The following PLEKHH2 variants were observed in gnomAD, a reference collection of about 807,000 sequenced individuals.
PLEKHH2 encodes the protein pleckstrin homology domain-containing family H member 2.
In PLEKHH2, 129 loss-of-function variants were observed where a neutral mutation model predicts 187.9. The ratio of observed to expected loss-of-function variants is 0.69; its 90% CI spans 0.59 to 0.79. The LOEUF (loss-of-function observed/expected upper bound fraction) is 0.79, where lower values mean the gene tolerates loss of function less well. Among genes scored for constraint, PLEKHH2 ranks in the 30% least tolerant of loss-of-function variants. The pLI is 0.00. For missense variants in PLEKHH2, 2,076 were observed against 1,751.2 expected, an observed-to-expected ratio of 1.19 and a Z score of -3.31; for synonymous variants, 686 against 605.6, an observed-to-expected ratio of 1.13 and a Z score of -1.95.
chr2:43,685,034 G>A (rs1395565619), intron 3 of PLEKHH2, among the ~76,000 whole-genome samples: 1 of 152,180 alleles, frequency 6.6e-6, no homozygotes, highest in East Asian at 1.9e-4. Context: ...CACTGATGAA[G>A]TCACCTTTTT....
chr2:43,742,781 G>A lies in PLEKHH2; in HGVS notation c.3262G>A (p.Val1088Ile). 1.2e-6 allele frequency: 2 copies of A among 1,602,698 alleles called. No individual in the cohort carries two copies. The highest frequency in any genetic ancestry group is 1.7e-6 in the Non-Finnish European group (2 of 1,176,140). The change falls in exon 22 of 30, where the codon GTA (valine) becomes ATA (isoleucine). Residue 1088 changes from valine (V) to isoleucine (I), a missense_variant. Transcript: ENST00000282406. ...GKYAIYCQRC[V>I]ERTQQNGDRE... is the part of the protein sequence containing the mutation. ...ATATGCCATTTACTGCCAGCGTTGTGTAGAAAGAACGCAACAAAATGGTGA... is the reference window on the plus strand; with the variant it reads ...ATATGCCATTTACTGCCAGCGTTGTATAGAAAGAACGCAACAAAATGGTGA...
At chr2:43,753,535 C>G (rs1415296276) in intron 24 of PLEKHH2, 84 bp from the exon 25 acceptor site, 2 of 1,132,686 alleles carry the variant, frequency 1.8e-6, no homozygotes, top group Non-Finnish European at 2.4e-6. Context: ...TAAAACAACC[C>G]CATCTCAGTC....
At chr2:43,679,863 G>C (rs13393952) in intron 3 of PLEKHH2, among the ~76,000 whole-genome samples, 1 of 151,800 alleles carries the variant, frequency 6.6e-6, no homozygotes, top group African/African-American at 2.4e-5. Flanking sequence ...GTAATGACAG[G>C]GTCTCACTAT....
intron 28 of PLEKHH2, among the ~76,000 whole-genome samples, chr2:43,763,061 C>T (rs17031419): frequency 0.013 from 2,046 of 152,222 alleles, 49 homozygotes; most frequent in African/African-American, 0.046. Flanking sequence ...GTGTTATAGT[C>T]ACTGTTTCCC....
chr2:43,675,578 C>T lies in PLEKHH2; in HGVS notation c.124-3285C>T, dbSNP rs369389345. Reference sequence around the variant, plus strand: ...GACAATGCCTCTTCAATAAGCTGTGCGATTGGTTTTGTATTAAATACATCT... The same window carrying T: ...GACAATGCCTCTTCAATAAGCTGTGTGATTGGTTTTGTATTAAATACATCT... On this transcript the variant is annotated intron_variant, in intron 2 of 29. Coordinates refer to ENST00000282406, the MANE Select transcript of PLEKHH2 (RefSeq NM_172069.4). 182 of 1,613,332 alleles carry T rather than the reference C, an allele frequency of 1.1e-4. No homozygotes were observed. Among genetic ancestry groups the T allele is most frequent in the Middle Eastern group, 4.9e-4 (3 of 6,080 alleles).
chr2:43,752,856 TC>T (rs1210458469), intron 24 of PLEKHH2, among the ~76,000 whole-genome samples: 1 of 152,234 alleles, frequency 6.6e-6, no homozygotes, highest in Admixed American at 6.5e-5. Context: ...ATGTTGTGTT[TC>T]AGTGAGTAAT....
Position 43,729,491 on chromosome 2 carries a change from T to C in PLEKHH2, c.2722-146T>C, listed in dbSNP as rs189819440. ...CAAGTGAGCATGCCTCAGAATTGTT[T>C]GAATAAATGGCTTTTCATTATTATT... On this transcript the variant is annotated intron_variant, in intron 17 of 29. Coordinates refer to ENST00000282406, the MANE Select transcript of PLEKHH2 (RefSeq NM_172069.4). 1.0e-3 allele frequency: 540 copies of C among 516,318 alleles called. 2 individuals carry two copies. Among genetic ancestry groups the C allele is most frequent in the African/African-American group, 9.5e-3 (490 of 51,622 alleles). The allele number at this position is 516,318 out of a possible 1,614,324, so 32.0% of individuals were successfully genotyped here.
At position 43,655,579 on chromosome 2, in the gene PLEKHH2, A is replaced by G. The variant is rs567141402; in HGVS notation, c.123+10783A>G. Among the ~76,000 whole-genome samples, 11 of 152,324 alleles carry G rather than the reference A, an allele frequency of 7.2e-5. No homozygotes were observed. The South Asian group carries it at 2.3e-3, about 32-fold the overall frequency. ...ATGTTGTGTAAATCCATTAGAAACC[A>G]TAGAATGGAAAAATGGCAGGCAACC... On this transcript the variant is annotated intron_variant, in intron 2 of 29. Transcript: ENST00000282406.
At chr2:43,676,394 C>T (rs1572531487) in intron 2 of PLEKHH2, 2 of 1,268,882 alleles carry the variant, frequency 1.6e-6, no homozygotes, top group East Asian at 2.4e-5. Context: ...CCGCGCCTTC[C>T]GGAGCTGGCG....
At chr2:43,666,127 T>C (rs1368383936) in intron 2 of PLEKHH2, among the ~76,000 whole-genome samples, 33 of 149,622 alleles carry the variant, frequency 2.2e-4, no homozygotes, top group South Asian at 2.1e-3. Flanking sequence ...ATCAGCGAGA[T>C]TCCGTGGGCG....
At chr2:43,723,846 G>A (rs1326440910) in intron 16 of PLEKHH2, among the ~76,000 whole-genome samples, 1 of 152,168 alleles carries the variant, frequency 6.6e-6, no homozygotes, top group African/African-American at 2.4e-5. Flanking sequence ...CACGCCGACT[G>A]CTGATTAAGA....
At chr2:43,749,101 A>G (rs767220980) in intron 24 of PLEKHH2, among the ~76,000 whole-genome samples, 5 of 152,214 alleles carry the variant, frequency 3.3e-5, no homozygotes, top group Non-Finnish European at 5.9e-5. Flanking sequence ...CTTAATACAT[A>G]CCAACTCTGA....
chr2:43,642,358 AT>A lies in PLEKHH2; in HGVS notation c.-3-2306del, dbSNP rs1156890852. Among the ~76,000 whole-genome samples the A allele has an allele frequency of 3.3e-5, 5 of 152,120 alleles. No individual in the cohort carries two copies. The East Asian group carries it at 9.7e-4, about 29-fold the overall frequency. ...ACCTTGCTAAACTCTATAGTTTAGT[AT>A]TTTTTTGTGGATTCCTTAGAATTTT... On this transcript the variant is annotated intron_variant, in intron 1 of 29. Transcript: ENST00000282406.
chr2:43,742,910 A>G lies in PLEKHH2; in HGVS notation c.3391A>G (p.Ile1131Val), dbSNP rs1310601336. 6.5e-7 allele frequency: 1 copy of G among 1,541,354 alleles called. No individual in the cohort carries two copies. Among genetic ancestry groups the G allele is most frequent in the Admixed American group, 2.1e-5 (1 of 47,226 alleles). The change falls in exon 22 of 30, where the codon ATA becomes GTA. Residue 1131 changes from isoleucine (I) to valine (V), a missense_variant. Transcript: ENST00000282406. The part of the protein sequence containing the change: ...FSIPVHFMNG[I>V]YQVVGFDAST... ...TATACCTGTGCACTTCATGAATGGG[A>G]TATACCAGGTAGGTTACCTGATGAA...
chr2:43,659,808 C>T (rs1195355406), intron 2 of PLEKHH2, among the ~76,000 whole-genome samples: 1 of 151,910 alleles, frequency 6.6e-6, no homozygotes, highest in East Asian at 1.9e-4. Flanking sequence ...ATCCGCCTGC[C>T]TTGTCCTCCC....
At chr2:43,678,014 G>A (rs1275403831) in intron 2 of PLEKHH2, among the ~76,000 whole-genome samples, 1 of 151,450 alleles carries the variant, frequency 6.6e-6, no homozygotes, top group Non-Finnish European at 1.5e-5. Context: ...CCAGGCAGAG[G>A]GTCTCCTCAC....
chr2:43,637,747 G>T (rs765446931), intron 1 of PLEKHH2, among the ~76,000 whole-genome samples: 2 of 152,184 alleles, frequency 1.3e-5, no homozygotes, highest in African/African-American at 4.8e-5. Flanking sequence ...TCCCCGAGCC[G>T]AGGGACCCGC....
intron 29 of PLEKHH2, among the ~76,000 whole-genome samples, chr2:43,765,115 A>C (rs1042064201): frequency 6.6e-6 from 1 of 152,254 alleles, no homozygotes; most frequent in Admixed American, 6.5e-5. Context: ...ATATTCACTA[A>C]TGTGGCTTTA....
chr2:43,751,926 CTTTTTTT>C (rs1191371733), intron 24 of PLEKHH2, among the ~76,000 whole-genome samples: 1 of 139,872 alleles, frequency 7.1e-6, no homozygotes, highest in African/African-American at 2.7e-5. Context: ...CTCTCTCTCT[CTTTTTTT>C]TTTTTTTTGC....
Sources: gnomAD v4.1 joint callset for allele counts (sites outside exome capture counted in the v4.1 genomes callset) on GRCh38, gnomAD v4.1.1 for gene constraint, MANE v1.5 for transcripts, NCBI Gene and HGNC (gene_info 2026-07-23, HGNC 2026-07-21) for gene names.